Variants in RANBP2 observed in about 807,000 individuals in gnomAD.
RANBP2 encodes the protein RAN binding protein 2.
In RANBP2, 57 loss-of-function variants were observed where a neutral mutation model predicts 303.6. The ratio of observed to expected loss-of-function variants is 0.19; its 90% CI spans 0.15 to 0.23. The LOEUF (loss-of-function observed/expected upper bound fraction) is 0.23, where lower values mean the gene tolerates loss of function less well. Ranked by LOEUF, RANBP2 falls within the 10% of genes least tolerant of loss-of-function variation. The pLI, the probability that RANBP2 is intolerant of heterozygous loss-of-function variation, is 1.00. For synonymous variants in RANBP2, 1,167 were observed against 1,301.5 expected (o/e 0.90, Z 2.23); for missense variants, 3,138 against 3,780.8 (o/e 0.83, Z 4.46).
chr2:109,433,907 G>T, the RANBP2 span, among the ~76,000 whole-genome samples: 1 of 152,222 alleles, frequency 6.6e-6, no homozygotes, highest in Non-Finnish European at 1.5e-5. Flanking sequence ...CAGCCACCTG[G>T]TCAGAGGGGT....
At chr2:109,564,411 TC>T in the RANBP2 span, 1 of 1,593,064 alleles carries the variant, frequency 6.3e-7, no homozygotes, top group Non-Finnish European at 8.6e-7. Context: ...GCCCATTTCC[TC>T]CAGTTTGCAG....
At chr2:109,713,166 A>G in the RANBP2 span, among the ~76,000 whole-genome samples, 5 of 152,156 alleles carry the variant, frequency 3.3e-5, no homozygotes, top group African/African-American at 1.2e-4. Context: ...CCTCCAGAGC[A>G]GGGTTCCTGG....
the RANBP2 span, among the ~76,000 whole-genome samples, chr2:109,176,037 C>T: frequency 6.6e-6 from 1 of 151,994 alleles, no homozygotes; most frequent in Admixed American, 6.5e-5. Flanking sequence ...CCTTGAGACT[C>T]TGTCTTCACT....
the RANBP2 span, among the ~76,000 whole-genome samples, chr2:109,600,200 T>G: frequency 1.3e-5 from 2 of 152,130 alleles, no homozygotes; most frequent in South Asian, 4.1e-4. Flanking sequence ...TTGGGCTTCC[T>G]CCCTTCTTTC....
At chr2:109,320,127 A>G in the RANBP2 span, among the ~76,000 whole-genome samples, 2 of 152,112 alleles carry the variant, frequency 1.3e-5, no homozygotes, top group African/African-American at 2.4e-5. Context: ...TGCTCCTGTA[A>G]AGCCTGTAGA....
the RANBP2 span, among the ~76,000 whole-genome samples, chr2:109,126,780 T>C: frequency 6.6e-6 from 1 of 152,214 alleles, no homozygotes; most frequent in East Asian, 1.9e-4. Context: ...TTAGTGTATA[T>C]TCTGCTCCCT....
At chr2:109,763,589 G>A in the RANBP2 span, among the ~76,000 whole-genome samples, 1 of 149,550 alleles carries the variant, frequency 6.7e-6, no homozygotes, top group Non-Finnish European at 1.5e-5. Context: ...AGCCCTAAAT[G>A]GTATTAAAAT....
chr2:109,619,554 C>T, the RANBP2 span, among the ~76,000 whole-genome samples: 1 of 152,124 alleles, frequency 6.6e-6, no homozygotes, highest in African/African-American at 2.4e-5. Flanking sequence ...TTGGTGTAAT[C>T]GCCCACTATT....
chr2:109,724,273 A>G, the RANBP2 span, among the ~76,000 whole-genome samples: 3 of 152,146 alleles, frequency 2.0e-5, no homozygotes, highest in African/African-American at 7.2e-5. Flanking sequence ...TTCCATATGA[A>G]TCTTAAAATA....
chr2:109,202,286 C>T, the RANBP2 span, among the ~76,000 whole-genome samples: 5 of 152,156 alleles, frequency 3.3e-5, no homozygotes, highest in Admixed American at 6.5e-5. Context: ...ATCTCGGCAG[C>T]GTCTGGACCC....
chr2:108,828,413 A>G, the RANBP2 span, among the ~76,000 whole-genome samples: 9 of 152,362 alleles, frequency 5.9e-5, no homozygotes, highest in African/African-American at 2.2e-4. Flanking sequence ...AACCATAAAA[A>G]GAACAAAGTT....
the RANBP2 span, among the ~76,000 whole-genome samples, chr2:109,570,611 G>A: frequency 2.3e-5 from 3 of 132,936 alleles, no homozygotes; most frequent in East Asian, 3.3e-4. Flanking sequence ...TGCAACCTCC[G>A]CCTCCCAAGT....
chr2:109,092,778 A>G, the RANBP2 span, among the ~76,000 whole-genome samples: 1 of 152,180 alleles, frequency 6.6e-6, no homozygotes, highest in Non-Finnish European at 1.5e-5. Flanking sequence ...CAAGGGTTTG[A>G]TTAATAGAAA....
At chr2:109,275,957 C>A in the RANBP2 span, among the ~76,000 whole-genome samples, 72 of 152,242 alleles carry the variant, frequency 4.7e-4, no homozygotes, top group African/African-American at 1.7e-3. Flanking sequence ...TTATAGCCCA[C>A]GTCATGTGCA....
the RANBP2 span, chr2:108,896,916 A>T: frequency 1.2e-6 from 2 of 1,611,922 alleles, no homozygotes; most frequent in Non-Finnish European, 1.7e-6. Flanking sequence ...TTCAGGATGC[A>T]GCATGTGGCT....
the RANBP2 span, among the ~76,000 whole-genome samples, chr2:109,402,441 T>G: frequency 1.3e-5 from 2 of 152,224 alleles, no homozygotes; most frequent in Admixed American, 1.3e-4. Context: ...TGCTGTGTCA[T>G]GGGCTCATCC....
chr2:109,622,754 G>A, the RANBP2 span, among the ~76,000 whole-genome samples: 133 of 152,300 alleles, frequency 8.7e-4, no homozygotes, highest in African/African-American at 1.7e-3. Flanking sequence ...AAACGCCAGC[G>A]TAGAAGAAAA....
chr2:108,730,860 C>A lies in RANBP2; in HGVS notation c.227C>A (p.Thr76Lys), dbSNP rs1259024977. 2 of 1,611,540 alleles carry A rather than the reference C, an allele frequency of 1.2e-6. No homozygotes were observed. The highest frequency in any genetic ancestry group is 1.7e-6 in the Non-Finnish European group (2 of 1,179,676). Reference protein sequence around the residue: ...LGLLYELEENTDKAVECYRRS... With the variant: ...LGLLYELEENKDKAVECYRRS... ...CTTCTTTATGAATTGGAAGAAAACA[C>A]AGACAAAGCCGTTGAATGTTACAGG... The change falls in exon 3 of 29, where the codon ACA becomes AAA. Residue 76 changes from threonine (T) to lysine (K), a missense_variant. This residue lies in a region of RANBP2 where 306 missense variants were observed against 381.9 expected (regional missense o/e 0.80). Coordinates refer to ENST00000283195, the MANE Select transcript of RANBP2 (RefSeq NM_006267.5).
chr2:109,723,206 C>T, the RANBP2 span, among the ~76,000 whole-genome samples: 1 of 152,112 alleles, frequency 6.6e-6, no homozygotes, highest in African/African-American at 2.4e-5. Context: ...GGCTGGAGTG[C>T]AGTGGTATGA....
Sources: allele counts gnomAD v4.1 joint callset (sites outside exome capture counted in the v4.1 genomes callset), GRCh38; gene constraint gnomAD v4.1.1; regional missense constraint gnomAD v4.1.1; transcripts MANE v1.5; gene names NCBI Gene and HGNC (gene_info 2026-07-23, HGNC 2026-07-21).